LIPK: variants seen among roughly 807,000 people sequenced by gnomAD.
LIPK encodes lipase family member K, also known as lipase member K.
LIPK carries 32 observed loss-of-function variants against 48.6 expected under a neutral mutation model. The observed-to-expected ratio is 0.66, with a 90% CI of 0.50 to 0.88. The LOEUF is 0.88. Ranked by LOEUF, LIPK falls within the 40% of genes least tolerant of loss-of-function variation. The pLI, the probability that LIPK is intolerant of heterozygous loss-of-function variation, is 0.00. For synonymous variants in LIPK, 164 were observed against 157.4 expected, an observed-to-expected ratio of 1.04 and a Z score of -0.32; for missense variants, 507 against 478.5, an observed-to-expected ratio of 1.06 and a Z score of -0.56.
chr10:88,728,601 A>C (rs1033258460), intron 3 of LIPK: 10 of 476,004 alleles, frequency 2.1e-5, no homozygotes, highest in African/African-American at 1.4e-4. Context: ...GGAGCTGATG[A>C]ATGTCAAGCT....
At chr10:88,706,898 G>A (rs183173410) in intron 1 of LIPK, among the ~76,000 whole-genome samples, 52 of 152,118 alleles carry the variant, frequency 3.4e-4, no homozygotes, top group Admixed American at 3.1e-3. Flanking sequence ...AGTTTGACTG[G>A]GAGAGGAGTG....
chr10:88,708,314 T>C (rs2134673612), intron 1 of LIPK, among the ~76,000 whole-genome samples: 1 of 152,242 alleles, frequency 6.6e-6, no homozygotes, highest in East Asian at 1.9e-4. Flanking sequence ...AAGAAAAATA[T>C]ATAACCAATA....
At chr10:88,725,130 T>C (rs1842309975) in intron 2 of LIPK, among the ~76,000 whole-genome samples, 1 of 152,240 alleles carries the variant, frequency 6.6e-6, no homozygotes, top group African/African-American at 2.4e-5. Flanking sequence ...AAATATCTAC[T>C]ACAGAATTCA....
In LIPK at chr10:88,731,129, T is replaced by G; in HGVS notation, c.370T>G (p.Ser124Ala). Residue 124 changes from serine (S) to alanine (A), a missense_variant, in exon 4 of 10, where the codon TCC becomes GCC. By Grantham distance (99) the Ser-to-Ala change is moderately conservative. Transcript: ENST00000404190. Reference protein sequence around the residue: ...WLGNSRGNTWSRKHLKLSPKS... With the variant: ...WLGNSRGNTWARKHLKLSPKS... ...GGGGAACAGCCGAGGAAACACTTGG[T>G]CCAGAAAACACCTTAAATTGTCACC... The G allele has an allele frequency of 6.2e-7, 1 of 1,602,062 alleles. No homozygotes were observed. Among genetic ancestry groups the G allele is most frequent in the Admixed American group, 1.8e-5 (1 of 57,098 alleles).
At chr10:88,729,100 GA>G (rs1264233726) in intron 3 of LIPK, among the ~76,000 whole-genome samples, 1 of 151,460 alleles carries the variant, frequency 6.6e-6, no homozygotes, top group Non-Finnish European at 1.5e-5. Flanking sequence ...GCCTCCAGCT[GA>G]AAAAACAAGT....
At chr10:88,721,195 A>G (rs1424432462) in intron 1 of LIPK, among the ~76,000 whole-genome samples, 1 of 152,182 alleles carries the variant, frequency 6.6e-6, no homozygotes, top group African/African-American at 2.4e-5. Flanking sequence ...GAATATAAGG[A>G]TATATGAACC....
Position 88,724,629 on chromosome 10 carries a change from C to A in LIPK, c.86C>A (p.Pro29His), listed in dbSNP as rs762679963. ...GYDKKGNNAN[P>H]EANMNISQII... Reference sequence around the variant, plus strand: ...GACAAGAAAGGAAACAATGCAAACCCTGAAGCTAATATGAATATTGTAAGT... The same window carrying A: ...GACAAGAAAGGAAACAATGCAAACCATGAAGCTAATATGAATATTGTAAGT... The change falls in exon 2 of 10, where the codon CCT becomes CAT. Residue 29 changes from proline to histidine, a missense_variant. Pro to His is a moderately conservative substitution (Grantham distance 77, BLOSUM62 -2). Transcript: ENST00000404190. 6.3e-7 allele frequency: 1 copy of A among 1,599,486 alleles called. No individual in the cohort carries two copies. The highest frequency in any genetic ancestry group is 1.1e-5 in the South Asian group (1 of 87,540).
At chr10:88,729,996 A>T (rs1365741237) in intron 3 of LIPK, among the ~76,000 whole-genome samples, 1 of 151,882 alleles carries the variant, frequency 6.6e-6, no homozygotes, top group South Asian at 2.1e-4. Context: ...CCTATTTTAC[A>T]TTGGGAATAG....
chr10:88,732,612 T>G (rs1239021844), intron 6 of LIPK, 61 bp downstream of exon 6: 30 of 1,488,198 alleles, frequency 2.0e-5, no homozygotes, highest in Non-Finnish European at 2.6e-5. Flanking sequence ...TCCATTGATT[T>G]CAACAGAAGA....
At chr10:88,730,877 T>G in intron 3 of LIPK, 106 bp from the exon 4 acceptor site, 3 of 1,062,732 alleles carry the variant, frequency 2.8e-6, no homozygotes, top group Admixed American at 2.9e-5. Context: ...GCATCAAATT[T>G]TATCTCTTAA....
chr10:88,738,766 G>T (rs1215064232), intron 7 of LIPK, among the ~76,000 whole-genome samples: 10 of 152,164 alleles, frequency 6.6e-5, no homozygotes, highest in Admixed American at 5.9e-4. Flanking sequence ...ATTGGCCCTT[G>T]TTGTCCATAT....
At chr10:88,736,634 C>A (rs1017787934) in intron 6 of LIPK, among the ~76,000 whole-genome samples, 2 of 152,104 alleles carry the variant, frequency 1.3e-5, no homozygotes, top group African/African-American at 2.4e-5. Flanking sequence ...ATTTATCAAT[C>A]CATGCTTGGC....
chr10:88,726,112 T>C (rs1465485845), intron 2 of LIPK, among the ~76,000 whole-genome samples: 1 of 152,154 alleles, frequency 6.6e-6, no homozygotes, highest in African/African-American at 2.4e-5. Context: ...TGTTTGGTAA[T>C]AGATCACTTG....
intron 9 of LIPK, among the ~76,000 whole-genome samples, chr10:88,743,908 C>G (rs1334549872): frequency 6.6e-6 from 1 of 152,200 alleles, no homozygotes; most frequent in Non-Finnish European, 1.5e-5. Context: ...GACATTTGAG[C>G]TAGTAGGCAG....
At chr10:88,726,677 C>A in intron 2 of LIPK, 118 bp from the exon 3 acceptor site, 1 of 647,028 alleles carries the variant, frequency 1.5e-6, no homozygotes, top group Non-Finnish European at 2.7e-6. Context: ...CCAGGGAACA[C>A]AGTGAGACCC....
chr10:88,711,263 T>G (rs527362453), intron 1 of LIPK, among the ~76,000 whole-genome samples: 33 of 152,232 alleles, frequency 2.2e-4, no homozygotes, highest in Non-Finnish European at 3.5e-4. Flanking sequence ...TATTATTGCA[T>G]ATATTTTAAT....
At chr10:88,749,959 CA>C (rs1175691220) in intron 9 of LIPK, among the ~76,000 whole-genome samples, 1 of 151,896 alleles carries the variant, frequency 6.6e-6, no homozygotes, top group African/African-American at 2.4e-5. Context: ...AACTAACAAG[CA>C]AAAAAACCAA....
At chr10:88,748,628 A>C (rs900034550) in intron 9 of LIPK, among the ~76,000 whole-genome samples, 4 of 151,358 alleles carry the variant, frequency 2.6e-5, no homozygotes, top group Non-Finnish European at 5.9e-5. Flanking sequence ...AAAAAAAAAA[A>C]AAAAGAAAAC....
chr10:88,727,687 G>C (rs1344443190), intron 3 of LIPK: 1 of 181,984 alleles, frequency 5.5e-6, no homozygotes, highest in African/African-American at 2.4e-5. Flanking sequence ...GTCTGGGTGA[G>C]GTCTATGCTG....
Sources: allele counts gnomAD v4.1 joint callset (sites outside exome capture counted in the v4.1 genomes callset), GRCh38; gene constraint gnomAD v4.1.1; transcripts MANE v1.5; gene names NCBI Gene and HGNC (gene_info 2026-07-23, HGNC 2026-07-21).